The following NGEF variants were observed in gnomAD, a reference collection of about 807,000 sequenced individuals.
NGEF encodes the protein neuronal guanine nucleotide exchange factor.
In NGEF, 31 loss-of-function variants were observed where a neutral mutation model predicts 80.9. The observed-to-expected ratio is 0.38, with a 90% CI of 0.29 to 0.52. The LOEUF is 0.52. NGEF is among the 20% of genes least tolerant of loss of function. NGEF has a pLI of 0.84. For synonymous variants in NGEF, 371 were observed against 370.2 expected (o/e 1.00, Z -0.03); for missense variants, 709 against 926.2 (o/e 0.77, Z 3.04).
chr2:233,012,851 G>T, intron 1 of NGEF: 2 of 471,096 alleles, frequency 4.2e-6, no homozygotes, highest in South Asian at 3.1e-5. Context: ...CTGATTCCCA[G>T]ATGGTGAAAC....
At position 232,885,283 on chromosome 2, in the gene NGEF, G is replaced by A. The variant is rs1559190590; in HGVS notation, c.1434C>T (p.Ile478=). ...ISIQKKMEFK[I]KSVPIISHSR... is the part of the protein sequence containing the mutation. The stretch of plus-strand genomic sequence containing the variant: ...CACACCAATCCCACCGGTTCACCTT[G>A]ATCTTGAACTCCATCTTCTTCTGAA... Residue 478 remains isoleucine (I), a synonymous_variant, in exon 10 of 15, where the codon ATC becomes ATT. Transcript: ENST00000264051. 6.2e-7 allele frequency: 1 copy of A among 1,613,840 alleles called. No homozygotes were observed.
intron 5 of NGEF, chr2:232,905,812 G>A (rs1246673561): frequency 6.1e-6 from 2 of 328,622 alleles, no homozygotes; most frequent in Non-Finnish European, 1.2e-5. Context: ...TGAGAAGTGA[G>A]GAGCCCCTCC....
At chr2:232,894,608 TC>T in intron 6 of NGEF, 147 bp downstream of exon 6, 1 of 885,384 alleles carries the variant, frequency 1.1e-6, no homozygotes, top group Non-Finnish European at 1.6e-6. Context: ...TGGATTTAGT[TC>T]TTCATTTATT....
chr2:232,985,223 A>AAC (rs922481410), intron 1 of NGEF, among the ~76,000 whole-genome samples: 1 of 152,232 alleles, frequency 6.6e-6, no homozygotes, highest in African/African-American at 2.4e-5. Flanking sequence ...TAGATGAGAT[A>AAC]ACAGCTTGAG....
intron 3 of NGEF, among the ~76,000 whole-genome samples, chr2:232,968,510 A>G (rs112265048): frequency 6.6e-6 from 1 of 151,902 alleles, no homozygotes; most frequent in African/African-American, 2.4e-5. Context: ...GATTCAAGGG[A>G]TTCTCCTGCC....
intron 5 of NGEF, among the ~76,000 whole-genome samples, chr2:232,904,408 T>C (rs1258183118): frequency 6.6e-6 from 1 of 152,190 alleles, no homozygotes; most frequent in Admixed American, 6.5e-5. Flanking sequence ...TTTGTATTTT[T>C]AGTAGAGACA....
intron 3 of NGEF, among the ~76,000 whole-genome samples, chr2:232,956,263 G>A (rs1052510310): frequency 2.6e-5 from 4 of 152,132 alleles, no homozygotes; most frequent in African/African-American, 9.7e-5. Flanking sequence ...GTGGGGTTTT[G>A]AGAGAATTTG....
Position 232,885,535 on chromosome 2 carries a change from T to C in NGEF, c.1348-166A>G, listed in dbSNP as rs563507898. 7 of 608,476 alleles carry C rather than the reference T, an allele frequency of 1.2e-5. No individual in the cohort carries two copies. In the East Asian group the frequency reaches 1.9e-4, roughly 17 times the overall value. The allele number at this position is 608,476 out of a possible 1,614,324, so 37.7% of individuals were successfully genotyped here. ...TCAGTCGGACTGGAGCTCCTCTTTC[T>C]AGCACCTTGTGGGGCAAAGGCAAGT... is the stretch of plus-strand genomic sequence containing the variant. On this transcript the variant is annotated intron_variant, in intron 9 of 14. Coordinates refer to ENST00000264051, the MANE Select transcript of NGEF (RefSeq NM_019850.3).
In NGEF at chr2:232,879,365, G is replaced by A; in HGVS notation, c.*124C>T. Reference sequence around the variant, plus strand: ...ACTGCGTGGGCAGGGATGAGGGCCGGGCACCCCAAGCCAGATCCTGCCACC... The same window carrying A: ...ACTGCGTGGGCAGGGATGAGGGCCGAGCACCCCAAGCCAGATCCTGCCACC... On this transcript the variant is annotated 3_prime_UTR_variant, in exon 15 of 15. Transcript: ENST00000264051. The A allele has an allele frequency of 2.1e-6, 2 of 971,550 alleles. No individual in the cohort carries two copies. The highest frequency in any genetic ancestry group is 3.2e-5 in the South Asian group (2 of 61,918). The allele number at this position is 971,550 out of a possible 1,614,324, so 60.2% of individuals were successfully genotyped here. A position where few individuals can be genotyped will look rare whatever the true frequency, so the allele number is the denominator to read the frequency against.
At chr2:232,915,017 CAAAA>C (rs11374459) in intron 5 of NGEF, among the ~76,000 whole-genome samples, 8 of 97,174 alleles carry the variant, frequency 8.2e-5, no homozygotes, top group African/African-American at 3.7e-5. Context: ...ACTCCATCTC[CAAAA>C]AAAAAAAAAA....
chr2:232,987,293 C>A (rs1484574845), intron 1 of NGEF, among the ~76,000 whole-genome samples: 3 of 152,174 alleles, frequency 2.0e-5, no homozygotes, highest in Admixed American at 6.5e-5. Flanking sequence ...GCTGAGATTA[C>A]AGGCATTAGA....
intron 5 of NGEF, chr2:232,901,453 C>A: frequency 6.1e-6 from 6 of 985,370 alleles, no homozygotes; most frequent in Non-Finnish European, 7.2e-6. Context: ...CTTCTCCCGA[C>A]CCCTGTGTTA....
chr2:232,987,379 C>G (rs1480629829), intron 1 of NGEF, among the ~76,000 whole-genome samples: 1 of 152,144 alleles, frequency 6.6e-6, no homozygotes, highest in Non-Finnish European at 1.5e-5. Context: ...TCTGCTGTAG[C>G]TTGGGTCTGC....
chr2:232,899,753 C>T (rs532075078), intron 5 of NGEF, among the ~76,000 whole-genome samples: 15 of 149,044 alleles, frequency 1.0e-4, no homozygotes, highest in Non-Finnish European at 1.6e-4. Flanking sequence ...CACTTACACA[C>T]GTGCTCTCAC....
chr2:232,935,230 A>C (rs896981942), intron 3 of NGEF, among the ~76,000 whole-genome samples: 13 of 152,330 alleles, frequency 8.5e-5, no homozygotes, highest in Middle Eastern at 3.4e-3. Context: ...CTGAGGGAGA[A>C]TCTCTGGAAT....
chr2:232,975,970 G>C, intron 1 of NGEF, among the ~76,000 whole-genome samples: 1 of 152,196 alleles, frequency 6.6e-6, no homozygotes, highest in South Asian at 2.1e-4. Flanking sequence ...GGAGGCCGAG[G>C]CGAGCAGATC....
chr2:232,941,170 G>T (rs1693429959), intron 3 of NGEF, among the ~76,000 whole-genome samples: 1 of 152,066 alleles, frequency 6.6e-6, no homozygotes. Flanking sequence ...TCATGTCCTG[G>T]GTGGGGGCCA....
At position 232,995,059 on chromosome 2, in the gene NGEF, T is replaced by C. The variant is rs534514326; in HGVS notation, c.-75+18009A>G. Among the ~76,000 whole-genome samples, 141 of 66,124 alleles carry C rather than the reference T, an allele frequency of 2.1e-3. 3 individuals are homozygous for C. Among genetic ancestry groups the C allele is most frequent in the Non-Finnish European group, 2.7e-3 (84 of 30,690 alleles). 43.4% of individuals were successfully genotyped at this position (66,124 alleles called of 152,430 possible). ...GTACAGTATGTATACTGTATATATGTACAGTATGTATACTGTATATGTGTA... is the reference window on the plus strand; with the variant it reads ...GTACAGTATGTATACTGTATATATGCACAGTATGTATACTGTATATGTGTA... On this transcript the variant is annotated intron_variant, in intron 1 of 14. Transcript: ENST00000264051.
At chr2:232,906,256 C>CGGGA (rs1692531404) in intron 5 of NGEF, among the ~76,000 whole-genome samples, 1 of 117,294 alleles carries the variant, frequency 8.5e-6, no homozygotes, top group Non-Finnish European at 1.8e-5. Context: ...CCGCCCCATC[C>CGGGA]GGGAGGTGAG....
Sources: gnomAD v4.1 joint callset for allele counts (sites outside exome capture counted in the v4.1 genomes callset) on GRCh38, gnomAD v4.1.1 for gene constraint, MANE v1.5 for transcripts, NCBI Gene and HGNC (gene_info 2026-07-23, HGNC 2026-07-21) for gene names.